Variants in FYB2 observed in about 807,000 individuals in gnomAD.
The protein encoded by FYB2 is FYN-binding protein 2.
In FYB2, 103 loss-of-function variants were observed where a neutral mutation model predicts 94.1. The observed-to-expected ratio is 1.09, with a 90% CI of 0.93 to 1.29. The LOEUF (loss-of-function observed/expected upper bound fraction) is 1.29, where lower values mean the gene tolerates loss of function less well. Among genes scored for constraint, FYB2 ranks in the 50% most tolerant of loss-of-function variants. The probability of loss-of-function intolerance (pLI) is 0.00; values close to 1 mark genes in which losing one functional copy is unlikely to be tolerated. For synonymous variants in FYB2, 293 were observed against 287.9 expected (o/e 1.02, Z -0.18); for missense variants, 896 against 841.5 (o/e 1.06, Z -0.80).
chr1:56,740,933 A>C (rs1322604167), intron 12 of FYB2, 138 bp from the exon 13 acceptor site: 3 of 502,162 alleles, frequency 6.0e-6, no homozygotes, highest in Non-Finnish European at 1.0e-5. Context: ...ATGGTCATAA[A>C]GATGGAAATA....
At chr1:56,797,955 A>G (rs112586741) in intron 1 of FYB2, among the ~76,000 whole-genome samples, 6,173 of 152,236 alleles carry the variant, frequency 0.041, 185 homozygotes, top group Non-Finnish European at 0.061. Flanking sequence ...CCACTGCTGT[A>G]GTGCCAGTGC....
At chr1:56,797,540 C>T (rs1404110923) in intron 1 of FYB2, among the ~76,000 whole-genome samples, 2 of 152,070 alleles carry the variant, frequency 1.3e-5, no homozygotes, top group Admixed American at 6.5e-5. Context: ...TGGAATTTTG[C>T]CCAACAGAGG....
chr1:56,755,542 T>C (rs1254942390), intron 7 of FYB2, among the ~76,000 whole-genome samples: 2 of 152,040 alleles, frequency 1.3e-5, no homozygotes, highest in East Asian at 3.9e-4. Flanking sequence ...GGAATTCATG[T>C]TATTATTATT....
chr1:56,773,307 G>C (rs1645803017), intron 4 of FYB2, among the ~76,000 whole-genome samples: 1 of 152,146 alleles, frequency 6.6e-6, no homozygotes, highest in South Asian at 2.1e-4. Context: ...GTTAACCTCT[G>C]TATTAGGCTG....
At chr1:56,738,529 T>C (rs563573067) in intron 14 of FYB2, 96 bp downstream of exon 14, 2 of 1,250,858 alleles carry the variant, frequency 1.6e-6, no homozygotes, top group African/African-American at 3.1e-5. Flanking sequence ...TTTCATCAAA[T>C]GTGGGAATGC....
chr1:56,733,206 T>C (rs1005801129), intron 15 of FYB2, among the ~76,000 whole-genome samples: 3 of 151,918 alleles, frequency 2.0e-5, no homozygotes, highest in Admixed American at 1.3e-4. Context: ...AAATGACCAA[T>C]AGTTTATTTG....
Position 56,719,584 on chromosome 1 carries a change from AT to A in FYB2, c.*86del. 10 of 1,199,684 alleles carry A rather than the reference AT, an allele frequency of 8.3e-6. No individual in the cohort carries two copies. Among genetic ancestry groups the A allele is most frequent in the Non-Finnish European group, 1.2e-5 (10 of 862,308 alleles). 74.3% of individuals were successfully genotyped at this position (1,199,684 alleles called of 1,614,324 possible). A position where few individuals can be genotyped will look rare whatever the true frequency, so the allele number is the denominator to read the frequency against. Reference sequence around the variant, plus strand: ...GATTCCACCATCTCAAAATTTTGACATGTAAACTGAAACTGATGTAACGCAG... The same window carrying A: ...GATTCCACCATCTCAAAATTTTGACAGTAAACTGAAACTGATGTAACGCAG... On this transcript the variant is annotated 3_prime_UTR_variant, in exon 20 of 20. Transcript: ENST00000343433.
In FYB2 at chr1:56,719,013, A is replaced by ATATT. The variant is rs1390221423; in HGVS notation, c.*654_*657dup. ...GATGTTTTAAAGTAATACAGCATAT[A>ATATT]TATTATTTTGTTAAATACATTTGGG... On this transcript the variant is annotated 3_prime_UTR_variant, in exon 20 of 20. Coordinates refer to ENST00000343433, the MANE Select transcript of FYB2 (RefSeq NM_001004303.5). The ATATT allele has an allele frequency of 1.3e-5, 2 of 152,594 alleles. No individual in the cohort carries two copies. The highest frequency in any genetic ancestry group is 4.8e-5 in the African/African-American group (2 of 41,470). 9.5% of individuals were successfully genotyped at this position (152,594 alleles called of 1,614,324 possible). A position where few individuals can be genotyped will look rare whatever the true frequency, so the allele number is the denominator to read the frequency against.
chr1:56,727,234 G>C (rs1439714751), intron 15 of FYB2, among the ~76,000 whole-genome samples: 1 of 152,090 alleles, frequency 6.6e-6, no homozygotes, highest in African/African-American at 2.4e-5. Context: ...AAATGGATGA[G>C]CAGAGAGAAT....
At chr1:56,822,427 C>A (rs193297595), upstream of FYB2, among the ~76,000 whole-genome samples, 3 of 152,316 alleles carry the variant, frequency 2.0e-5, no homozygotes, top group Admixed American at 1.3e-4. Context: ...GAAAGCTTAG[C>A]AGATACTTAG....
intron 4 of FYB2, among the ~76,000 whole-genome samples, chr1:56,770,945 T>C (rs1645739994): frequency 6.6e-6 from 1 of 152,152 alleles, no homozygotes; most frequent in African/African-American, 2.4e-5. Flanking sequence ...ATTCATCAGA[T>C]TAGCTAGAAT....
intron 4 of FYB2, among the ~76,000 whole-genome samples, chr1:56,775,730 A>G (rs1645860514): frequency 6.6e-6 from 1 of 152,192 alleles, no homozygotes; most frequent in South Asian, 2.1e-4. Flanking sequence ...CATGGCATGA[A>G]TAGATCACAC....
At chr1:56,757,694 C>CTTT (rs1381725408) in intron 6 of FYB2, among the ~76,000 whole-genome samples, 3 of 73,710 alleles carry the variant, frequency 4.1e-5, no homozygotes, top group Non-Finnish European at 7.5e-5. Flanking sequence ...TTCCTTCTTT[C>CTTT]TTTCTTTCTT....
chr1:56,819,650 G>A, upstream of FYB2: 1 of 425,824 alleles, frequency 2.3e-6, no homozygotes, highest in Non-Finnish European at 4.3e-6. Flanking sequence ...TTGTGCCCAG[G>A]CAGCAGGAGC....
At chr1:56,791,149 C>T (rs1451143433) in intron 2 of FYB2, among the ~76,000 whole-genome samples, 1 of 152,042 alleles carries the variant, frequency 6.6e-6, no homozygotes, top group African/African-American at 2.4e-5. Flanking sequence ...ATCCATCCAG[C>T]CTTCCATCCA....
intron 5 of FYB2, among the ~76,000 whole-genome samples, chr1:56,764,748 G>A (rs1278121889): frequency 6.6e-6 from 1 of 151,860 alleles, no homozygotes; most frequent in African/African-American, 2.4e-5. Flanking sequence ...AGCTTCAGCT[G>A]CCGTAACAAA....
At chr1:56,818,501 T>C (rs868387534) in intron 1 of FYB2, among the ~76,000 whole-genome samples, 1,091 of 86,488 alleles carry the variant, frequency 0.013, 11 homozygotes, top group African/African-American at 0.041. Context: ...CACACACACA[T>C]GCACACGCAC....
upstream of FYB2, among the ~76,000 whole-genome samples, chr1:56,821,396 C>A (rs1041015483): frequency 6.6e-6 from 1 of 152,138 alleles, no homozygotes; most frequent in Non-Finnish European, 1.5e-5. Context: ...TTTTGCCAGT[C>A]GGCTTAAGAG....
At chr1:56,730,238 C>T (rs1020187470) in intron 15 of FYB2, among the ~76,000 whole-genome samples, 2 of 142,124 alleles carry the variant, frequency 1.4e-5, no homozygotes, top group Admixed American at 7.3e-5. Context: ...AAACAAAAAG[C>T]TGGTGTTTTG....
Sources: allele counts gnomAD v4.1 joint callset (sites outside exome capture counted in the v4.1 genomes callset), GRCh38; gene constraint gnomAD v4.1.1; transcripts MANE v1.5; gene names NCBI Gene and HGNC (gene_info 2026-07-23, HGNC 2026-07-21).